Variants in FAT4 observed in about 807,000 individuals in gnomAD.
The protein encoded by FAT4 is FAT atypical cadherin 4, also known as protocadherin Fat 4.
In FAT4, 84 loss-of-function variants were observed where a neutral mutation model predicts 303.9. The ratio of observed to expected loss-of-function variants is 0.28; its 90% CI spans 0.23 to 0.33. The LOEUF is 0.33. Among genes scored for constraint, FAT4 ranks in the 10% least tolerant of loss-of-function variants. FAT4 has a pLI of 1.00. For synonymous variants in FAT4, 2,307 were observed against 2,298.8 expected (o/e 1.00, Z -0.10); for missense variants, 6,005 against 6,146.8 (o/e 0.98, Z 0.77).
At chr4:125,417,524 T>A (rs1433844984) in intron 7 of FAT4, among the ~76,000 whole-genome samples, 1 of 152,180 alleles carries the variant, frequency 6.6e-6, no homozygotes, top group Middle Eastern at 3.2e-3. Flanking sequence ...CCCTAATTTC[T>A]ATTAAATAAG....
intron 2 of FAT4, among the ~76,000 whole-genome samples, chr4:125,353,786 A>T (rs552495086): frequency 6.6e-6 from 1 of 151,826 alleles, no homozygotes; most frequent in African/African-American, 2.4e-5. Flanking sequence ...AGAGTAAAAT[A>T]TTTAGTGACT....
intron 2 of FAT4, among the ~76,000 whole-genome samples, chr4:125,379,017 A>T (rs375318156): frequency 6.6e-6 from 1 of 151,896 alleles, no homozygotes; most frequent in African/African-American, 2.4e-5. Flanking sequence ...CAAGAAATGT[A>T]TCTACACAAT....
rs1730864852 is a variant in FAT4, at chr4:125,320,073, A to C, written c.3662A>C (p.Glu1221Ala). 6.2e-7 allele frequency: 1 copy of C among 1,613,988 alleles called. No homozygotes were observed. Among genetic ancestry groups the C allele is most frequent in the Non-Finnish European group, 8.5e-7 (1 of 1,179,946 alleles). ...GACTTTTACCAAGCTACAATATCAG[A>C]ATCAGCAGCCAATCTGACACAAGTG... is the stretch of plus-strand genomic sequence containing the variant. ...LKDFYQATISESAANLTQVLR... is the reference protein window; with the variant it reads ...LKDFYQATISASAANLTQVLR... Residue 1221 changes from glutamate to alanine, a missense_variant, in exon 2 of 18, where the codon GAA becomes GCA. By Grantham distance (107) the Glu-to-Ala change is moderately radical. Coordinates refer to ENST00000394329, the MANE Select transcript of FAT4 (RefSeq NM_001291303.3).
intron 17 of FAT4, among the ~76,000 whole-genome samples, chr4:125,489,228 A>T (rs1467634938): frequency 2.0e-5 from 3 of 152,218 alleles, no homozygotes; most frequent in Non-Finnish European, 4.4e-5. Flanking sequence ...CAGCACTGTT[A>T]ACACACTCAA....
At chr4:125,325,172 G>GAA (rs2125950544) in intron 2 of FAT4, among the ~76,000 whole-genome samples, 1 of 152,234 alleles carries the variant, frequency 6.6e-6, no homozygotes, top group East Asian at 1.9e-4. Flanking sequence ...TGTGGAATAT[G>GAA]AAACCCTGTC....
intron 2 of FAT4, among the ~76,000 whole-genome samples, chr4:125,396,114 A>G (rs563347851): frequency 5.3e-5 from 8 of 152,174 alleles, no homozygotes; most frequent in African/African-American, 1.2e-4. Flanking sequence ...TTTTTAACAC[A>G]CACGCATGAG....
chr4:125,481,491 T>C (rs1467783633), intron 15 of FAT4, 30 bp from the exon 16 acceptor site: 2 of 1,599,108 alleles, frequency 1.3e-6, no homozygotes, highest in South Asian at 2.2e-5. Context: ...ATGAATGCAT[T>C]CATTTTCCCT....
Position 125,451,555 on chromosome 4 carries a change from T to G in FAT4, c.10545T>G (p.Ser3515Arg). The change falls in exon 10 of 18, where the codon AGT becomes AGG. Residue 3515 changes from serine to arginine, a missense_variant. Physicochemically the swap from Ser to Arg is moderately radical, Grantham distance 110. Coordinates refer to ENST00000394329, the MANE Select transcript of FAT4 (RefSeq NM_001291303.3). Reference sequence around the variant, plus strand: ...ATAACGGGCCCATGCTGACTGTCAGTGAAGGAGAAGTCATGGAAAACAAAC... The same window carrying G: ...ATAACGGGCCCATGCTGACTGTCAGGGAAGGAGAAGTCATGGAAAACAAAC... ...INDNGPMLTV[S>R]EGEVMENKRP... 1 of 1,614,128 alleles carries G rather than the reference T, an allele frequency of 6.2e-7. No individual in the cohort carries two copies. The highest frequency in any genetic ancestry group is 8.5e-7 in the Non-Finnish European group (1 of 1,180,016).
intron 7 of FAT4, among the ~76,000 whole-genome samples, chr4:125,432,182 C>T (rs1431339602): frequency 2.0e-5 from 3 of 152,066 alleles, no homozygotes; most frequent in South Asian, 2.1e-4. Flanking sequence ...CCCAAAGCAG[C>T]GCAGGAAGCA....
chr4:125,424,150 G>C (rs1326530334), intron 7 of FAT4, among the ~76,000 whole-genome samples: 1 of 152,148 alleles, frequency 6.6e-6, no homozygotes, highest in Non-Finnish European at 1.5e-5. Flanking sequence ...CATGAGATTT[G>C]AGAGGGGCCA....
In FAT4 at chr4:125,451,632, C is replaced by A. The variant is rs1726078013; in HGVS notation, c.10622C>A (p.Pro3541Gln). 1.2e-6 allele frequency: 2 copies of A among 1,614,012 alleles called. No individual in the cohort carries two copies. Among genetic ancestry groups the A allele is most frequent in the African/African-American group, 2.7e-5 (2 of 74,912 alleles). Residue 3541 changes from proline (P) to glutamine (Q), a missense_variant, in exon 10 of 18, where the codon CCA becomes CAA. By Grantham distance (76) the Pro-to-Gln change is moderately conservative. Transcript: ENST00000394329. Reference sequence around the variant, plus strand: ...CAGTCCACTGACCCTGATCTCCCTCCAAATCAAGGTCCCTTTACTTATTAC... The same window carrying A: ...CAGTCCACTGACCCTGATCTCCCTCAAAATCAAGGTCCCTTTACTTATTAC... ...TLQSTDPDLP[P>Q]NQGPFTYYLL...
intron 12 of FAT4, among the ~76,000 whole-genome samples, chr4:125,474,993 T>C (rs1304731014): frequency 6.6e-6 from 1 of 152,104 alleles, no homozygotes; most frequent in Non-Finnish European, 1.5e-5. Flanking sequence ...AGTTGCATTG[T>C]ATTTATATTT....
chr4:125,370,301 C>T (rs1281087801), intron 2 of FAT4, among the ~76,000 whole-genome samples: 9 of 152,066 alleles, frequency 5.9e-5, no homozygotes, highest in East Asian at 1.9e-4. Context: ...CATTGTATTC[C>T]GACAGGAACC....
chr4:125,394,116 A>G, intron 2 of FAT4: 2 of 615,522 alleles, frequency 3.2e-6, no homozygotes, highest in South Asian at 2.0e-5. Flanking sequence ...TTTGGTAGGC[A>G]TGCAGAAAAC....
Position 125,479,865 on chromosome 4 carries a change from T to C in FAT4, c.12604T>C (p.Ser4202Pro). 1.3e-6 allele frequency: 2 copies of C among 1,579,930 alleles called. No individual in the cohort carries two copies. Among genetic ancestry groups the C allele is most frequent in the Non-Finnish European group, 1.7e-6 (2 of 1,157,290 alleles). The change falls in exon 15 of 18, where the codon TCT becomes CCT. Residue 4202 changes from serine (S) to proline (P), a missense_variant and splice_region_variant. Transcript: ENST00000394329. ...EGLTGKYCEK[S>P]VTPDTALSLE... is the part of the protein sequence containing the mutation. ...ACTCACTGGGAAATACTGTGAAAAA[T>C]GTATGTAAGGTCTTCCGTCTTCCCC...
At chr4:125,345,865 A>C (rs970956706) in intron 2 of FAT4, among the ~76,000 whole-genome samples, 1 of 152,136 alleles carries the variant, frequency 6.6e-6, no homozygotes, top group Non-Finnish European at 1.5e-5. Context: ...GAACGGTATT[A>C]GTGTCACAGT....
chr4:125,442,722 C>T (rs1375290173), intron 8 of FAT4, among the ~76,000 whole-genome samples: 1 of 152,004 alleles, frequency 6.6e-6, no homozygotes. Flanking sequence ...ATATTCTATC[C>T]AGAGAAATCC....
intron 2 of FAT4, among the ~76,000 whole-genome samples, chr4:125,379,906 G>T (rs1215132691): frequency 6.6e-6 from 1 of 150,916 alleles, no homozygotes; most frequent in East Asian, 2.0e-4. Flanking sequence ...CTTTTGTTTT[G>T]TTTTGAGATG....
intron 2 of FAT4, among the ~76,000 whole-genome samples, chr4:125,377,817 TAAA>T (rs57261413): frequency 0.038 from 5,847 of 152,132 alleles, 370 homozygotes; most frequent in African/African-American, 0.13. Context: ...CTTTATCTAA[TAAA>T]AAATAAGTTA....
Sources: gnomAD v4.1 joint callset for allele counts (sites outside exome capture counted in the v4.1 genomes callset) on GRCh38, gnomAD v4.1.1 for gene constraint, MANE v1.5 for transcripts, NCBI Gene and HGNC (gene_info 2026-07-23, HGNC 2026-07-21) for gene names.